Variants in MLH3 observed in about 807,000 individuals in gnomAD.
The protein encoded by MLH3 is DNA mismatch repair protein Mlh3.
In MLH3, 82 loss-of-function variants were observed where a neutral mutation model predicts 122.2. That is an observed-to-expected ratio of 0.67 (90% CI 0.56 to 0.81). The LOEUF (loss-of-function observed/expected upper bound fraction) is 0.81. Among genes scored for constraint, MLH3 ranks in the 30% least tolerant of loss-of-function variants. MLH3 has a pLI of 0.00. For synonymous variants in MLH3, 524 were observed against 599.5 expected, an observed-to-expected ratio of 0.87 and a Z score of 1.84; for missense variants, 1,539 against 1,714.5, an observed-to-expected ratio of 0.90 and a Z score of 1.81.
In MLH3 at chr14:75,041,545, T is replaced by C. The variant is rs76398851; in HGVS notation, c.3465+70A>G. ...TCTGGGCAACAGGAGCAAAACTCCA[T>C]CTCAAAATTTAAAAAATAAGAAGAA... On this transcript the variant is annotated intron_variant, in intron 4 of 12. Coordinates refer to ENST00000355774, the MANE Select transcript of MLH3 (RefSeq NM_001040108.2). 0.014 allele frequency: 17,439 copies of C among 1,247,332 alleles called. 160 individuals are homozygous for C. The highest frequency in any genetic ancestry group is 0.018 in the Middle Eastern group (94 of 5,216). 77.3% of individuals were successfully genotyped at this position (1,247,332 alleles called of 1,614,324 possible).
At chr14:75,030,793 C>A in intron 8 of MLH3, 91 bp from the exon 9 acceptor site, 1 of 1,086,872 alleles carries the variant, frequency 9.2e-7, no homozygotes, top group South Asian at 1.3e-5. Context: ...AATAGTTTTT[C>A]AAAAGCTGCC....
At position 75,048,312 on chromosome 14, in the gene MLH3, T is replaced by C; in HGVS notation, c.1344A>G (p.Pro448=). The stretch of plus-strand genomic sequence containing the variant: ...ATGGCTCTGTCATTTTGCTATGGCC[T>C]GGACCACCTGATTCATAAATGTACA... The part of the protein sequence containing the change: ...AFLYIYESGG[P]GHSKMTEPSL... Residue 448 remains proline, a synonymous_variant, in exon 2 of 13, where the codon CCA becomes CCG. Coordinates refer to ENST00000355774, the MANE Select transcript of MLH3 (RefSeq NM_001040108.2). 6.2e-7 allele frequency: 1 copy of C among 1,614,132 alleles called. No homozygotes were observed. Among genetic ancestry groups the C allele is most frequent in the Non-Finnish European group, 8.5e-7 (1 of 1,180,022 alleles).
chr14:75,035,401 A>G (rs1891338407), intron 6 of MLH3, among the ~76,000 whole-genome samples: 1 of 152,100 alleles, frequency 6.6e-6, no homozygotes, highest in South Asian at 2.1e-4. Flanking sequence ...GGGTGCCTGT[A>G]ATTCCAGCTA....
chr14:75,030,236 CTG>C (rs923642535), intron 9 of MLH3, among the ~76,000 whole-genome samples: 4 of 152,222 alleles, frequency 2.6e-5, no homozygotes, highest in African/African-American at 7.2e-5. Flanking sequence ...ACAAGTCATT[CTG>C]TGTTTCCATA....
intron 9 of MLH3, among the ~76,000 whole-genome samples, chr14:75,027,664 TAAAAA>T (rs56986784): frequency 5.2e-4 from 16 of 30,918 alleles, no homozygotes; most frequent in Admixed American, 1.4e-3. Context: ...TTTACTTCAG[TAAAAA>T]AAAAAAAAAA....
In MLH3 at chr14:75,047,154, C is replaced by T; in HGVS notation, c.2502G>A (p.Lys834=). Residue 834 remains lysine, a synonymous_variant, in exon 2 of 13, where the codon AAG becomes AAA. Coordinates refer to ENST00000355774, the MANE Select transcript of MLH3 (RefSeq NM_001040108.2). ...TCTGTTGTTCTAAACAATCTTCATCCTTGGAGAATGGAAACTTCTCTGAGT... is the reference window on the plus strand; with the variant it reads ...TCTGTTGTTCTAAACAATCTTCATCTTTGGAGAATGGAAACTTCTCTGAGT... ...ILNSEKFPFS[K]DEDCLEQQMP... 3 of 1,614,160 alleles carry T rather than the reference C, an allele frequency of 1.9e-6. No individual in the cohort carries two copies. In the South Asian group the frequency reaches 3.3e-5, roughly 18 times the overall value.
In MLH3 at chr14:75,035,451, G is replaced by A. The variant is rs570572345; in HGVS notation, c.3644-1961C>T. ...GCTGGTGAACCGCTTGAACCCAGGAGGCGGAGGTTGCAGTGAGCTGAGATT... is the reference window on the plus strand; with the variant it reads ...GCTGGTGAACCGCTTGAACCCAGGAAGCGGAGGTTGCAGTGAGCTGAGATT... On this transcript the variant is annotated intron_variant, in intron 6 of 12. Transcript: ENST00000355774. Among the ~76,000 whole-genome samples the A allele has an allele frequency of 1.8e-4, 28 of 152,270 alleles. 1 individual carries two copies. The South Asian group carries it at 5.2e-3, about 28-fold the overall frequency.
intron 5 of MLH3, 65 bp downstream of exon 5, chr14:75,039,846 C>CTTATATAT (rs1491242181): frequency 6.2e-6 from 2 of 322,252 alleles, no homozygotes; most frequent in African/African-American, 7.1e-5. Flanking sequence ...AGAGTTAGGC[C>CTTATATAT]ATATATATAT....
At position 75,046,394 on chromosome 14, in the gene MLH3, C is replaced by A; in HGVS notation, c.3262G>T (p.Asp1088Tyr). 1.2e-6 allele frequency: 2 copies of A among 1,614,170 alleles called. No individual in the cohort carries two copies. The highest frequency in any genetic ancestry group is 1.7e-6 in the Non-Finnish European group (2 of 1,180,034). The change falls in exon 2 of 13, where the codon GAT (aspartate) becomes TAT (tyrosine). Residue 1088 changes from aspartate to tyrosine, a missense_variant. Coordinates refer to ENST00000355774, the MANE Select transcript of MLH3 (RefSeq NM_001040108.2). Reference sequence around the variant, plus strand: ...TACTTACCATTCTCAAGTACAACATCCACAGCCACAGTTGTCAGGTCTTTA... The same window carrying A: ...TACTTACCATTCTCAAGTACAACATACACAGCCACAGTTGTCAGGTCTTTA... ...CTKDLTTVAVDVVLENGSQYR... is the reference protein window; with the variant it reads ...CTKDLTTVAVYVVLENGSQYR...
At chr14:75,040,104 C>A in intron 4 of MLH3, 89 bp from the exon 5 acceptor site, 1 of 678,860 alleles carries the variant, frequency 1.5e-6, no homozygotes, top group African/African-American at 1.8e-5. Flanking sequence ...TAAAAGCATT[C>A]ATTTTTATTT....
In MLH3 at chr14:75,016,461, G is replaced by A. The variant is rs965333841; in HGVS notation, c.*621C>T. The A allele has an allele frequency of 3.1e-5, 6 of 190,908 alleles. No homozygotes were observed. Among genetic ancestry groups the A allele is most frequent in the African/African-American group, 1.4e-4 (6 of 42,874 alleles). The allele number at this position is 190,908 out of a possible 1,614,324, so 11.8% of individuals were successfully genotyped here. On this transcript the variant is annotated 3_prime_UTR_variant, in exon 13 of 13. Coordinates refer to ENST00000355774, the MANE Select transcript of MLH3 (RefSeq NM_001040108.2). The stretch of plus-strand genomic sequence containing the variant: ...CGGAACAGGACTTTAAATTTTCTCT[G>A]TTCTATCCTTGTCCTTTTTATCAAT...
At position 75,016,997 on chromosome 14, in the gene MLH3, C is replaced by T. The variant is rs530665070; in HGVS notation, c.*85G>A. ...GACACTGGGCTGATTCAGTCAGGGC[C>T]GTGCTGGTACCTGCTGCTGCTGCTC... On this transcript the variant is annotated 3_prime_UTR_variant, in exon 13 of 13. Transcript: ENST00000355774. The T allele has an allele frequency of 8.1e-5, 125 of 1,535,410 alleles. No individual in the cohort carries two copies. Among genetic ancestry groups the T allele is most frequent in the Admixed American group, 4.2e-4 (25 of 59,312 alleles).
rs747817741 is a variant in MLH3, at chr14:75,033,458, C to T, written c.3676G>A (p.Ala1226Thr). The T allele has an allele frequency of 8.7e-6, 14 of 1,613,962 alleles. No individual in the cohort carries two copies. Among genetic ancestry groups the T allele is most frequent in the Middle Eastern group, 1.6e-4 (1 of 6,084 alleles). The change falls in exon 7 of 13, where the codon GCT becomes ACT. Residue 1226 changes from alanine to threonine, a missense_variant. By Grantham distance (58) the Ala-to-Thr change is moderately conservative. Transcript: ENST00000355774. Reference sequence around the variant, plus strand: ...TCCAGACGTATACGCTCATGGGCAGCGTGCTGATCCACCAGCACGAGCAGG... The same window carrying T: ...TCCAGACGTATACGCTCATGGGCAGTGTGCTGATCCACCAGCACGAGCAGG... ...GNLLVLVDQH[A>T]AHERIRLEQL...
chr14:75,022,274 C>T (rs1011884885), intron 11 of MLH3, among the ~76,000 whole-genome samples: 3 of 152,276 alleles, frequency 2.0e-5, no homozygotes, highest in African/African-American at 7.2e-5. Context: ...ATGCAACTCA[C>T]CCATGTTACA....
intron 12 of MLH3, among the ~76,000 whole-genome samples, chr14:75,017,871 C>T (rs1171082185): frequency 2.0e-5 from 3 of 152,124 alleles, no homozygotes; most frequent in South Asian, 4.2e-4. Context: ...TTGGGCAGGG[C>T]GCAGTGGCTC....
At chr14:75,022,713 T>G in intron 11 of MLH3, 101 bp downstream of exon 11, 1 of 983,820 alleles carries the variant, frequency 1.0e-6, no homozygotes, top group South Asian at 1.3e-5. Context: ...TCTCCAAGAG[T>G]CAAGTAGTAA....
chr14:75,048,138 T>G lies in MLH3; in HGVS notation c.1518A>C (p.Glu506Asp). The stretch of plus-strand genomic sequence containing the variant: ...GTGTCTGAAAAGGGCTTAAAAACAT[T>G]TCTAAACTGGTTCCACACGGATTTT... ...SLENPCGTSL[E>D]MFLSPFQTPC... The change falls in exon 2 of 13, where the codon GAA becomes GAC. Residue 506 changes from glutamate to aspartate, a missense_variant. Glu to Asp is a conservative substitution (Grantham distance 45). Coordinates refer to ENST00000355774, the MANE Select transcript of MLH3 (RefSeq NM_001040108.2). 6.2e-7 allele frequency: 1 copy of G among 1,614,196 alleles called. No individual in the cohort carries two copies. The highest frequency in any genetic ancestry group is 8.5e-7 in the Non-Finnish European group (1 of 1,180,014).
At chr14:75,042,323 T>C in intron 3 of MLH3, 56 bp downstream of exon 3, 2 of 1,478,162 alleles carry the variant, frequency 1.4e-6, no homozygotes, top group South Asian at 1.1e-5. Flanking sequence ...GCTTTGTTTT[T>C]TGAGTTAGGT....
chr14:75,029,617 C>T lies in MLH3; in HGVS notation c.3987+926G>A, dbSNP rs191355884. Among the ~76,000 whole-genome samples the T allele has an allele frequency of 1.5e-4, 23 of 151,996 alleles. No individual in the cohort carries two copies. The East Asian group carries it at 3.9e-3, about 26-fold the overall frequency. On this transcript the variant is annotated intron_variant, in intron 9 of 12. Transcript: ENST00000355774. ...ATGGTGCAATCTTGGCTCAATGCAA[C>T]CTCCGCCTCCCAGGTTCAAGCCATT...
Sources: gnomAD v4.1 joint callset for allele counts (sites outside exome capture counted in the v4.1 genomes callset) on GRCh38, gnomAD v4.1.1 for gene constraint, MANE v1.5 for transcripts, NCBI Gene and HGNC (gene_info 2026-07-23, HGNC 2026-07-21) for gene names.